The following CDKN3 variants were observed in gnomAD, a reference collection of about 807,000 sequenced individuals.
The protein encoded by CDKN3 is cyclin-dependent kinase inhibitor 3.
A neutral mutation model predicts 36.1 loss-of-function variants in CDKN3; 19 were observed. That is an observed-to-expected ratio of 0.53 (90% confidence interval 0.37 to 0.77). CDKN3 has a LOEUF of 0.77. Ranked by LOEUF, CDKN3 falls within the 30% of genes least tolerant of loss-of-function variation. The pLI, the probability that CDKN3 is intolerant of heterozygous loss-of-function variation, is 0.00. For missense variants in CDKN3, 188 were observed against 248.6 expected (o/e 0.76, Z 1.64); for synonymous variants, 71 against 85.3 (o/e 0.83, Z 0.92).
intron 5 of CDKN3, chr14:54,413,946 C>T: frequency 1.8e-6 from 1 of 558,308 alleles, no homozygotes; most frequent in Non-Finnish European, 2.6e-6. Context: ...AGAGCAGAGC[C>T]ATGCCCTCTG....
chr14:54,404,868 C>T (rs1356554850), intron 3 of CDKN3, among the ~76,000 whole-genome samples: 2 of 152,218 alleles, frequency 1.3e-5, no homozygotes, highest in East Asian at 3.8e-4. Context: ...GCCTGAGCCA[C>T]CGCACCCGGC....
In CDKN3 at chr14:54,403,300, C is replaced by T. The variant is rs550637509; in HGVS notation, c.148+1721C>T. Among the ~76,000 whole-genome samples, 419 of 152,236 alleles carry T rather than the reference C, an allele frequency of 2.8e-3. 1 individual carries two copies. The highest frequency in any genetic ancestry group is 5.0e-3 in the Non-Finnish European group (337 of 68,014). On this transcript the variant is annotated intron_variant, in intron 3 of 7. Transcript: ENST00000335183. ...AAGTTTTACTCCTAGGTATTTTATT[C>T]TCTTTGTAGCAATTGTGAATGGGAG... is the stretch of plus-strand genomic sequence containing the variant.
chr14:54,403,619 G>GTT (rs1332236340), intron 3 of CDKN3, among the ~76,000 whole-genome samples: 1 of 152,174 alleles, frequency 6.6e-6, no homozygotes, highest in Non-Finnish European at 1.5e-5. Context: ...TCTTATGACG[G>GTT]TTTTCAAAGG....
At chr14:54,398,986 C>CTTT (rs1566702725) in intron 1 of CDKN3, among the ~76,000 whole-genome samples, 2 of 74,182 alleles carry the variant, frequency 2.7e-5, no homozygotes, top group Admixed American at 1.4e-4. Flanking sequence ...TTTTCTTCTT[C>CTTT]CTTTTTTTTT....
Position 54,399,774 on chromosome 14 carries a change from C to T in CDKN3, c.10-120C>T. 11 of 680,432 alleles carry T rather than the reference C, an allele frequency of 1.6e-5. 1 individual carries two copies. In the South Asian group the frequency reaches 1.8e-4, roughly 11 times the overall value. The allele number at this position is 680,432 out of a possible 1,614,324, so 42.1% of individuals were successfully genotyped here. A position where few individuals can be genotyped will look rare whatever the true frequency, so the allele number is the denominator to read the frequency against. On this transcript the variant is annotated intron_variant, in intron 1 of 7. Transcript: ENST00000335183. ...TAATATTGCTGATCTCGTTAATATTCTGGATTGATGGCTGAATACATTGCA... is the reference window on the plus strand; with the variant it reads ...TAATATTGCTGATCTCGTTAATATTTTGGATTGATGGCTGAATACATTGCA...
chr14:54,414,654 T>A (rs2030473829), intron 5 of CDKN3, among the ~76,000 whole-genome samples: 3 of 146,580 alleles, frequency 2.0e-5, no homozygotes, highest in African/African-American at 7.6e-5. Flanking sequence ...CAAGCGATCC[T>A]CCCACCTCAG....
intron 3 of CDKN3, among the ~76,000 whole-genome samples, chr14:54,401,826 T>C (rs1186151236): frequency 6.6e-6 from 1 of 152,196 alleles, no homozygotes; most frequent in Non-Finnish European, 1.5e-5. Context: ...ATCATTCTTA[T>C]GCCTTTGTGT....
rs1441651688 is a variant in CDKN3, at chr14:54,420,034, C to T, written c.595C>T (p.His199Tyr). The change falls in exon 8 of 8, where the codon CAT (histidine) becomes TAT (tyrosine). Residue 199 changes from histidine (H) to tyrosine (Y), a missense_variant. Coordinates refer to ENST00000335183, the MANE Select transcript of CDKN3 (RefSeq NM_005192.4). ...TGAGTTTCGGGACAAATTAGCTGCA[C>T]ATCTATCATCAAGAGATTCACAATC... The part of the protein sequence containing the change: ...LHEFRDKLAA[H>Y]LSSRDSQSRS... 3 of 1,609,186 alleles carry T rather than the reference C, an allele frequency of 1.9e-6. No homozygotes were observed. The highest frequency in any genetic ancestry group is 1.7e-4 in the Middle Eastern group (1 of 6,014).
Position 54,399,916 on chromosome 14 carries a change from A to C in CDKN3, c.32A>C (p.Glu11Ala). 1 of 1,574,916 alleles carries C rather than the reference A, an allele frequency of 6.3e-7. No individual in the cohort carries two copies. The highest frequency in any genetic ancestry group is 8.7e-7 in the Non-Finnish European group (1 of 1,144,580). MKPPSSIQTS[E>A]FDSSDEEPIE... ...AAGCCCAGTTCAATACAAACAAGTG[A>C]GTTTGACTCATCAGATGAAGAGCCT... Residue 11 changes from glutamate (E) to alanine (A), a missense_variant, in exon 2 of 8, where the codon GAG (glutamate) becomes GCG (alanine). By Grantham distance (107) the Glu-to-Ala change is moderately radical. Transcript: ENST00000335183.
chr14:54,397,021 G>A lies in CDKN3; in HGVS notation c.-48G>A. 6.9e-7 allele frequency: 1 copy of A among 1,453,506 alleles called. No individual in the cohort carries two copies. The highest frequency in any genetic ancestry group is 9.1e-7 in the Non-Finnish European group (1 of 1,099,690). 90.0% of individuals were successfully genotyped at this position (1,453,506 alleles called of 1,614,324 possible). A position where few individuals can be genotyped will look rare whatever the true frequency, so the allele number is the denominator to read the frequency against. On this transcript the variant is annotated 5_prime_UTR_variant, in exon 1 of 8. Coordinates refer to ENST00000335183, the MANE Select transcript of CDKN3 (RefSeq NM_005192.4). Reference sequence around the variant, plus strand: ...TCGGCCGGGGCACCGGTGAGTCGCCGGCGCTGCAGAGGGAGGCGGCACTGG... The same window carrying A: ...TCGGCCGGGGCACCGGTGAGTCGCCAGCGCTGCAGAGGGAGGCGGCACTGG...
chr14:54,400,078 T>C (rs1182247086), intron 2 of CDKN3, 102 bp downstream of exon 2: 3 of 689,432 alleles, frequency 4.4e-6, no homozygotes, highest in Non-Finnish European at 7.9e-6. Context: ...GTTCACATAT[T>C]GAAAATGTTA....
Position 54,397,010 on chromosome 14 carries a change from G to T in CDKN3, c.-59G>T, listed in dbSNP as rs1168899686. 4 of 1,434,850 alleles carry T rather than the reference G, an allele frequency of 2.8e-6. No individual in the cohort carries two copies. In the African/African-American group the frequency reaches 4.4e-5, roughly 16 times the overall value. 88.9% of individuals were successfully genotyped at this position (1,434,850 alleles called of 1,614,324 possible). On this transcript the variant is annotated 5_prime_UTR_variant, in exon 1 of 8. Transcript: ENST00000335183. ...GGGGCGCGGGCTCGGCCGGGGCACC[G>T]GTGAGTCGCCGGCGCTGCAGAGGGA...
intron 3 of CDKN3, among the ~76,000 whole-genome samples, chr14:54,404,986 C>G (rs1465818694): frequency 6.6e-6 from 1 of 152,212 alleles, no homozygotes; most frequent in Non-Finnish European, 1.5e-5. Context: ...ATCTTTCCCG[C>G]TTTCTCATGT....
chr14:54,413,971 C>A, intron 5 of CDKN3: 1 of 314,306 alleles, frequency 3.2e-6, no homozygotes, highest in Non-Finnish European at 5.2e-6. Flanking sequence ...TGAGGAGAGT[C>A]CTTCCATGCC....
At chr14:54,414,815 C>A (rs1383915729) in intron 5 of CDKN3, among the ~76,000 whole-genome samples, 1 of 150,700 alleles carries the variant, frequency 6.6e-6, no homozygotes, top group East Asian at 2.0e-4. Context: ...TCCCAAAGTG[C>A]TGGGATTATA....
intron 3 of CDKN3, 119 bp downstream of exon 3, chr14:54,401,698 C>A: frequency 2.9e-6 from 2 of 700,234 alleles, no homozygotes; most frequent in South Asian, 2.2e-5. Context: ...TCTTTAGTGG[C>A]AATTTCTGAA....
chr14:54,410,212 T>C (rs1391676160), intron 4 of CDKN3, among the ~76,000 whole-genome samples: 2 of 152,232 alleles, frequency 1.3e-5, no homozygotes, highest in Non-Finnish European at 2.9e-5. Context: ...TCAATATGTT[T>C]GATTGGAGAC....
chr14:54,402,309 C>CGTGTGTGTGTGT (rs35529322), intron 3 of CDKN3, among the ~76,000 whole-genome samples: 17 of 147,726 alleles, frequency 1.2e-4, no homozygotes, highest in African/African-American at 4.0e-4. Flanking sequence ...CATGTGTGTG[C>CGTGTGTGTGTGT]GTGTGTGTGT....
At chr14:54,401,753 G>A (rs1196352312) in intron 3 of CDKN3, among the ~76,000 whole-genome samples, 174 bp downstream of exon 3, 1 of 152,134 alleles carries the variant, frequency 6.6e-6, no homozygotes, top group Non-Finnish European at 1.5e-5. Context: ...TGTACCCAAT[G>A]TGAAGTCTTT....
Sources: gnomAD v4.1 joint callset for allele counts (sites outside exome capture counted in the v4.1 genomes callset) on GRCh38, gnomAD v4.1.1 for gene constraint, MANE v1.5 for transcripts, NCBI Gene and HGNC (gene_info 2026-07-23, HGNC 2026-07-21) for gene names.